CNTNAP2: variants seen among roughly 807,000 people sequenced by gnomAD.
CNTNAP2 encodes contactin-associated protein-like 2.
In CNTNAP2, 98 loss-of-function variants were observed where a neutral mutation model predicts 155.2. The ratio of observed to expected loss-of-function variants is 0.63; its 90% CI spans 0.54 to 0.75. CNTNAP2 has a LOEUF of 0.75. CNTNAP2 is among the 30% of genes least tolerant of loss of function. The pLI is 0.00. For missense variants in CNTNAP2, 1,727 were observed against 1,688.1 expected (o/e 1.02, Z -0.40); for synonymous variants, 651 against 631.2 (o/e 1.03, Z -0.47).
At chr7:148,278,262 C>T (rs547321993) in intron 21 of CNTNAP2, among the ~76,000 whole-genome samples, 1 of 152,066 alleles carries the variant, frequency 6.6e-6, no homozygotes, top group African/African-American at 2.4e-5. Flanking sequence ...GTGACCTCCT[C>T]GATGTACTAA....
In CNTNAP2 at chr7:146,684,639, C is replaced by CAAAAAAAAAAAAAA. The variant is rs3080477; in HGVS notation, c.98-89625_98-89612dup. ...GCTTCGAGCAATAATAGATCCAGCGCAAAAAAAAAAAAAAAAAAAAGCTGG... is the reference window on the plus strand; with the variant it reads ...GCTTCGAGCAATAATAGATCCAGCGCAAAAAAAAAAAAAAAAAAAAAAAAAAAAAAAAAAGCTGG... On this transcript the variant is annotated intron_variant, in intron 1 of 23. Coordinates refer to ENST00000361727, the MANE Select transcript of CNTNAP2 (RefSeq NM_014141.6). Among the ~76,000 whole-genome samples, 31 of 63,502 alleles carry CAAAAAAAAAAAAAA rather than the reference C, an allele frequency of 4.9e-4. 6 individuals carry two copies. The highest frequency in any genetic ancestry group is 6.0e-4 in the East Asian group (1 of 1,674). The allele number at this position is 63,502 out of a possible 152,430, so 41.7% of individuals were successfully genotyped here. A position where few individuals can be genotyped will look rare whatever the true frequency, so the allele number is the denominator to read the frequency against.
chr7:147,391,555 T>C (rs1397982701), intron 9 of CNTNAP2, among the ~76,000 whole-genome samples: 1 of 152,110 alleles, frequency 6.6e-6, no homozygotes, highest in Non-Finnish European at 1.5e-5. Flanking sequence ...TTACTCCACT[T>C]AATAAAAGGC....
chr7:148,038,005 T>C (rs917374523), intron 15 of CNTNAP2, among the ~76,000 whole-genome samples: 20 of 152,310 alleles, frequency 1.3e-4, no homozygotes, highest in Non-Finnish European at 2.8e-4. Context: ...ATATTTCCCA[T>C]GGATAAGGGG....
intron 8 of CNTNAP2, among the ~76,000 whole-genome samples, chr7:147,149,832 C>T (rs1266599216): frequency 2.6e-5 from 4 of 152,026 alleles, no homozygotes; most frequent in African/African-American, 9.7e-5. Context: ...AGTAAGTAAT[C>T]GTAGTTTTAT....
intron 14 of CNTNAP2, among the ~76,000 whole-genome samples, chr7:147,904,016 G>A (rs1204677567): frequency 1.3e-5 from 2 of 152,180 alleles, no homozygotes; most frequent in African/African-American, 4.8e-5. Flanking sequence ...ATTATAAAAT[G>A]TGCTGTGTAA....
chr7:146,449,156 G>A (rs1352343330), intron 1 of CNTNAP2, among the ~76,000 whole-genome samples: 1 of 151,904 alleles, frequency 6.6e-6, no homozygotes, highest in Non-Finnish European at 1.5e-5. Context: ...TATATTTTCA[G>A]TTCTAAGATT....
At chr7:146,764,526 T>G (rs1802162233) in intron 1 of CNTNAP2, among the ~76,000 whole-genome samples, 2 of 151,644 alleles carry the variant, frequency 1.3e-5, no homozygotes, top group Admixed American at 1.3e-4. Context: ...GTCAAAAGCT[T>G]AATTTAAAAA....
chr7:148,334,515 A>C (rs977882943), intron 21 of CNTNAP2, among the ~76,000 whole-genome samples: 3 of 152,208 alleles, frequency 2.0e-5, no homozygotes, highest in African/African-American at 7.2e-5. Context: ...AAAAGTTAGG[A>C]AAAGGGGTTT....
At chr7:146,145,029 A>C (rs1327864048) in intron 1 of CNTNAP2, among the ~76,000 whole-genome samples, 1 of 152,152 alleles carries the variant, frequency 6.6e-6, no homozygotes, top group Non-Finnish European at 1.5e-5. Flanking sequence ...AATTTTGTCC[A>C]AACGTTGGAA....
At chr7:146,438,541 C>G (rs1228786625) in intron 1 of CNTNAP2, among the ~76,000 whole-genome samples, 1 of 151,344 alleles carries the variant, frequency 6.6e-6, no homozygotes, top group East Asian at 1.9e-4. Flanking sequence ...ATTTATATTT[C>G]TTTTATTAGT....
At chr7:146,861,815 G>T (rs1795107069) in intron 3 of CNTNAP2, among the ~76,000 whole-genome samples, 1 of 152,076 alleles carries the variant, frequency 6.6e-6, no homozygotes, top group Admixed American at 6.6e-5. Context: ...GGATTTTGGA[G>T]CCATGGCGCC....
chr7:148,073,270 A>C (rs1029955212), intron 15 of CNTNAP2, among the ~76,000 whole-genome samples: 1 of 152,234 alleles, frequency 6.6e-6, no homozygotes, highest in Non-Finnish European at 1.5e-5. Flanking sequence ...TTGGATTCTC[A>C]TGCTTCTAAT....
chr7:147,822,537 T>C (rs1428698534), intron 13 of CNTNAP2, among the ~76,000 whole-genome samples: 1 of 152,216 alleles, frequency 6.6e-6, no homozygotes, highest in Non-Finnish European at 1.5e-5. Flanking sequence ...GAGTGTTGTC[T>C]ATTTTGTCAG....
At chr7:146,629,692 T>A (rs904894819) in intron 1 of CNTNAP2, among the ~76,000 whole-genome samples, 1 of 152,164 alleles carries the variant, frequency 6.6e-6, no homozygotes, top group Non-Finnish European at 1.5e-5. Flanking sequence ...AGGCCGTATA[T>A]TTAAAAAACA....
At position 146,508,998 on chromosome 7, in the gene CNTNAP2, C is replaced by T. The variant is rs886746023; in HGVS notation, c.98-265273C>T. Reference sequence around the variant, plus strand: ...CCGAGGGCTGCCATGGCAGTAGTCACCTCATGTATGCAGCACCCTGCACAC... The same window carrying T: ...CCGAGGGCTGCCATGGCAGTAGTCATCTCATGTATGCAGCACCCTGCACAC... On this transcript the variant is annotated intron_variant, in intron 1 of 23. Coordinates refer to ENST00000361727, the MANE Select transcript of CNTNAP2 (RefSeq NM_014141.6). Among the ~76,000 whole-genome samples the T allele has an allele frequency of 3.3e-5, 5 of 152,244 alleles. No individual in the cohort carries two copies. In the East Asian group the frequency reaches 9.7e-4, roughly 30 times the overall value.
intron 13 of CNTNAP2, among the ~76,000 whole-genome samples, chr7:147,804,972 C>T (rs1798066514): frequency 6.6e-6 from 1 of 152,172 alleles, no homozygotes; most frequent in Non-Finnish European, 1.5e-5. Flanking sequence ...CCTCATAATC[C>T]AGTTATCCTC....
chr7:148,005,654 C>T (rs1801964017), intron 15 of CNTNAP2, among the ~76,000 whole-genome samples: 3 of 152,044 alleles, frequency 2.0e-5, no homozygotes, highest in Admixed American at 2.0e-4. Flanking sequence ...GGTGAAACAG[C>T]ATCATACAAA....
chr7:147,762,394 T>G (rs75024673), intron 13 of CNTNAP2, among the ~76,000 whole-genome samples: 3 of 152,208 alleles, frequency 2.0e-5, no homozygotes, highest in African/African-American at 7.2e-5. Context: ...TTGAAACAGA[T>G]AGTGACATTA....
chr7:147,420,308 T>C (rs1364356703), intron 10 of CNTNAP2, among the ~76,000 whole-genome samples: 1 of 152,194 alleles, frequency 6.6e-6, no homozygotes, highest in African/African-American at 2.4e-5. Flanking sequence ...TTTAAAGTAT[T>C]ATTTGGTGTT....
Sources: allele counts gnomAD v4.1 joint callset (sites outside exome capture counted in the v4.1 genomes callset), GRCh38; gene constraint gnomAD v4.1.1; transcripts MANE v1.5; gene names NCBI Gene and HGNC (gene_info 2026-07-23, HGNC 2026-07-21).